SLC9A5: variants seen among roughly 807,000 people sequenced by gnomAD.
The protein encoded by SLC9A5 is solute carrier family 9 member A5, also known as sodium/hydrogen exchanger 5.
Under a neutral mutation model 91.7 loss-of-function variants are expected in SLC9A5, and 52 were observed. The observed-to-expected ratio is 0.57, with a 90% CI of 0.45 to 0.71. The LOEUF is 0.71. Ranked by LOEUF, SLC9A5 falls within the 30% of genes least tolerant of loss-of-function variation. The pLI, the probability that SLC9A5 is intolerant of heterozygous loss-of-function variation, is 0.00. For synonymous variants in SLC9A5, 419 were observed against 474.5 expected (o/e 0.88, Z 1.52); for missense variants, 871 against 1,158.9 (o/e 0.75, Z 3.61).
At chr16:67,264,877 G>C (rs577592734) in intron 13 of SLC9A5, among the ~76,000 whole-genome samples, 163 bp from the exon 14 acceptor site, 3 of 152,206 alleles carry the variant, frequency 2.0e-5, no homozygotes, top group Non-Finnish European at 4.4e-5. Flanking sequence ...TGGGGCATGG[G>C]TCACTCTTGC....
chr16:67,255,517 C>A lies in SLC9A5; in HGVS notation c.733+46C>A. On this transcript the variant is annotated intron_variant, in intron 4 of 15. Coordinates refer to ENST00000299798, the MANE Select transcript of SLC9A5 (RefSeq NM_004594.3). This position sits in a 1 kb window ranked among gnomAD's most constrained non-coding sequence, Gnocchi z 4.9. ...AGCTGGCATTGGAGGTCTGCCTCCC[C>A]TGGGTTGCTGAGGCCCTCCCACCCC... is the stretch of plus-strand genomic sequence containing the variant. 3 of 1,582,082 alleles carry A rather than the reference C, an allele frequency of 1.9e-6. No homozygotes were observed. Among genetic ancestry groups the A allele is most frequent in the South Asian group, 1.1e-5 (1 of 90,494 alleles).
intron 12 of SLC9A5, among the ~76,000 whole-genome samples, chr16:67,264,115 G>A (rs1163145714): frequency 6.6e-6 from 1 of 152,250 alleles, no homozygotes; most frequent in East Asian, 1.9e-4. Context: ...GGTTGGGGAA[G>A]GCCAGGTTTG....
chr16:67,267,613 C>T (rs2035764250), intron 15 of SLC9A5, among the ~76,000 whole-genome samples: 2 of 152,088 alleles, frequency 1.3e-5, no homozygotes, highest in Admixed American at 1.3e-4. Context: ...AGACCCATGC[C>T]CTCAAGTAGA....
At chr16:67,259,289 G>A (rs1373384955) in intron 10 of SLC9A5, among the ~76,000 whole-genome samples, 5 of 146,046 alleles carry the variant, frequency 3.4e-5, no homozygotes, top group South Asian at 2.2e-4. Context: ...AAAAAAATCC[G>A]GGAACCAGAG....
At chr16:67,268,697 TA>T (rs1567421653) in intron 15 of SLC9A5, among the ~76,000 whole-genome samples, 66 of 91,654 alleles carry the variant, frequency 7.2e-4, no homozygotes, top group African/African-American at 2.3e-3. Flanking sequence ...TATATATATA[TA>T]TATATATATA....
In SLC9A5 at chr16:67,255,930, C is replaced by G. The variant is rs1488956636; in HGVS notation, c.911C>G (p.Ala304Gly). 2.5e-6 allele frequency: 4 copies of G among 1,612,544 alleles called. No individual in the cohort carries two copies. Among genetic ancestry groups the G allele is most frequent in the African/African-American group, 1.3e-5 (1 of 74,904 alleles). ...AEMASLSAIL[A>G]VTMCGLGCKK... is the part of the protein sequence containing the mutation. ...ATGGCCTCGCTCTCCGCCATTCTTG[C>G]GTGAGTTCTGGGGGCCTTGCAGGCA... The change falls in exon 5 of 16, where the codon GCG becomes GGG. Residue 304 changes from alanine to glycine, a missense_variant and splice_region_variant. Physicochemically the swap from Ala to Gly is moderately conservative, Grantham distance 60. This residue lies in a region of SLC9A5 where 454 missense variants were observed against 718.3 expected (regional missense o/e 0.63). Transcript: ENST00000299798. This position sits in a 1 kb window ranked among gnomAD's most constrained non-coding sequence, Gnocchi z 4.9.
chr16:67,259,188 GGAGTTTGCAGT>G (rs2035430045), intron 10 of SLC9A5, among the ~76,000 whole-genome samples: 1 of 151,484 alleles, frequency 6.6e-6, no homozygotes, highest in African/African-American at 2.4e-5. Context: ...GAACCCTGGT[GGAGTTTGCAGT>G]GAGGTTGCAG....
In SLC9A5 at chr16:67,255,655, C is replaced by T. The variant is rs537369313; in HGVS notation, c.734-98C>T. ...CTGGGGTTTTGAGCCCCTGGGAGTG[C>T]GGTGGGCATCATCCCTCACTCCCTG... On this transcript the variant is annotated intron_variant, in intron 4 of 15. Transcript: ENST00000299798. The surrounding 1 kb of genome is among the most constrained non-coding windows in gnomAD (Gnocchi z 4.9). The T allele has an allele frequency of 2.2e-4, 303 of 1,365,950 alleles. 1 individual carries two copies. The highest frequency in any genetic ancestry group is 2.9e-4 in the Non-Finnish European group (288 of 989,982). 84.6% of individuals were successfully genotyped at this position (1,365,950 alleles called of 1,614,324 possible). A position where few individuals can be genotyped will look rare whatever the true frequency, so the allele number is the denominator to read the frequency against.
At chr16:67,265,785 T>C (rs2035677720) in intron 14 of SLC9A5, among the ~76,000 whole-genome samples, 2 of 152,180 alleles carry the variant, frequency 1.3e-5, no homozygotes, top group Non-Finnish European at 2.9e-5. Context: ...GTGCTCATGT[T>C]TCCAGTGGAT....
Position 67,265,057 on chromosome 16 carries a change from T to C in SLC9A5, c.2031T>C (p.Asn677=). The part of the protein sequence containing the change: ...TGRRKKDGVA[N]AEATNGKHRG... The stretch of plus-strand genomic sequence containing the variant: ...GTCCTCAGAAGGATGGTGTGGCGAA[T>C]GCTGAGGCTACAAATGGGAAACATC... Residue 677 remains asparagine (N), a synonymous_variant, in exon 14 of 16, where the codon AAT becomes AAC. Coordinates refer to ENST00000299798, the MANE Select transcript of SLC9A5 (RefSeq NM_004594.3). The C allele has an allele frequency of 6.2e-7, 1 of 1,614,132 alleles. No homozygotes were observed. The highest frequency in any genetic ancestry group is 8.5e-7 in the Non-Finnish European group (1 of 1,180,016).
Position 67,258,246 on chromosome 16 carries a change from C to G in SLC9A5, c.1497-72C>G. The G allele has an allele frequency of 6.4e-7, 1 of 1,551,052 alleles. No individual in the cohort carries two copies. Among genetic ancestry groups the G allele is most frequent in the Admixed American group, 1.7e-5 (1 of 59,588 alleles). On this transcript the variant is annotated intron_variant, in intron 9 of 15. Coordinates refer to ENST00000299798, the MANE Select transcript of SLC9A5 (RefSeq NM_004594.3). The surrounding 1 kb of genome is among the most constrained non-coding windows in gnomAD (Gnocchi z 4.5). The stretch of plus-strand genomic sequence containing the variant: ...AGGCCAGTGCTGACGGTGTCCTTGC[C>G]CCGTCTGAGGAAGGGCCACCTGGCC...
Position 67,249,009 on chromosome 16 carries a change from G to C in SLC9A5, c.-6G>C. The C allele has an allele frequency of 7.5e-7, 1 of 1,341,182 alleles. No homozygotes were observed. The highest frequency in any genetic ancestry group is 1.7e-5 in the South Asian group (1 of 57,252). The allele number at this position is 1,341,182 out of a possible 1,614,324, so 83.1% of individuals were successfully genotyped here. A position where few individuals can be genotyped will look rare whatever the true frequency, so the allele number is the denominator to read the frequency against. ...GTGCCGGGAGGGCGGCTGGGCAGGC[G>C]GCAGGATGCTGCGCGCCGCCCTGTC... On this transcript the variant is annotated 5_prime_UTR_variant, in exon 1 of 16. Coordinates refer to ENST00000299798, the MANE Select transcript of SLC9A5 (RefSeq NM_004594.3).
chr16:67,265,155 G>A lies in SLC9A5; in HGVS notation c.2080+49G>A. On this transcript the variant is annotated intron_variant, in intron 14 of 15. Coordinates refer to ENST00000299798, the MANE Select transcript of SLC9A5 (RefSeq NM_004594.3). ...TGAGGATGGGAGGGAGGAGGGAAAGGGCTGGGGCTTGCCAGCCAGAATCCT... is the reference window on the plus strand; with the variant it reads ...TGAGGATGGGAGGGAGGAGGGAAAGAGCTGGGGCTTGCCAGCCAGAATCCT... 3 of 1,584,256 alleles carry A rather than the reference G, an allele frequency of 1.9e-6. No individual in the cohort carries two copies. The South Asian group carries it at 3.3e-5, about 18-fold the overall frequency.
At chr16:67,268,661 TATATA>T (rs2035802807) in intron 15 of SLC9A5, among the ~76,000 whole-genome samples, 16 of 16,810 alleles carry the variant, frequency 9.5e-4, no homozygotes, top group Non-Finnish European at 6.2e-4. Context: ...TCCCTGATTA[TATATA>T]TATATATATA....
intron 12 of SLC9A5, 149 bp downstream of exon 12, chr16:67,260,095 T>A: frequency 8.7e-7 from 1 of 1,145,546 alleles, no homozygotes; most frequent in Non-Finnish European, 1.2e-6. Flanking sequence ...ATGCCTGTAA[T>A]CTCAGCACTT....
rs113268200 is a variant in SLC9A5, at chr16:67,265,180, T to C, written c.2080+74T>C. The C allele has an allele frequency of 3.3e-5, 47 of 1,438,700 alleles. 2 individuals carry two copies. In the African/African-American group the frequency reaches 3.8e-4, roughly 12 times the overall value. 89.1% of individuals were successfully genotyped at this position (1,438,700 alleles called of 1,614,324 possible). A position where few individuals can be genotyped will look rare whatever the true frequency, so the allele number is the denominator to read the frequency against. The stretch of plus-strand genomic sequence containing the variant: ...GGCTGGGGCTTGCCAGCCAGAATCC[T>C]GGAGGACCCGCTGTAGGGTGCATTC... On this transcript the variant is annotated intron_variant, in intron 14 of 15. Coordinates refer to ENST00000299798, the MANE Select transcript of SLC9A5 (RefSeq NM_004594.3).
Position 67,255,524 on chromosome 16 carries a change from G to A in SLC9A5, c.733+53G>A. 2 of 1,563,804 alleles carry A rather than the reference G, an allele frequency of 1.3e-6. No homozygotes were observed. The highest frequency in any genetic ancestry group is 1.1e-5 in the South Asian group (1 of 90,176). On this transcript the variant is annotated intron_variant, in intron 4 of 15. Coordinates refer to ENST00000299798, the MANE Select transcript of SLC9A5 (RefSeq NM_004594.3). This position sits in a 1 kb window ranked among gnomAD's most constrained non-coding sequence, Gnocchi z 4.9. ...ATTGGAGGTCTGCCTCCCCTGGGTT[G>A]CTGAGGCCCTCCCACCCCGCATCAG...
chr16:67,264,256 C>T, intron 12 of SLC9A5, 96 bp from the exon 13 acceptor site: 1 of 1,036,130 alleles, frequency 9.7e-7, no homozygotes, highest in Non-Finnish European at 1.4e-6. Flanking sequence ...GCTGGGCTGG[C>T]AGGTCCTGTG....
chr16:67,271,273 G>C lies in SLC9A5; in HGVS notation c.*63G>C. 1 of 1,423,934 alleles carries C rather than the reference G, an allele frequency of 7.0e-7. No homozygotes were observed. Among genetic ancestry groups the C allele is most frequent in the Non-Finnish European group, 9.6e-7 (1 of 1,038,854 alleles). 88.2% of individuals were successfully genotyped at this position (1,423,934 alleles called of 1,614,324 possible). On this transcript the variant is annotated 3_prime_UTR_variant, in exon 16 of 16. Coordinates refer to ENST00000299798, the MANE Select transcript of SLC9A5 (RefSeq NM_004594.3). Reference sequence around the variant, plus strand: ...GTGGGAAGTGCTCCCTGGGTGATGGGTAGAGCCCTCGAAACTTGACATGGG... The same window carrying C: ...GTGGGAAGTGCTCCCTGGGTGATGGCTAGAGCCCTCGAAACTTGACATGGG...
Sources: allele counts gnomAD v4.1 joint callset (sites outside exome capture counted in the v4.1 genomes callset), GRCh38; gene constraint gnomAD v4.1.1; regional missense constraint gnomAD v4.1.1; non-coding constraint Gnocchi (gnomAD v3.1); transcripts MANE v1.5; gene names NCBI Gene and HGNC (gene_info 2026-07-23, HGNC 2026-07-21).